MAGI1: variants seen among roughly 807,000 people sequenced by gnomAD.
The protein encoded by MAGI1 is membrane associated guanylate kinase, WW and PDZ domain containing 1.
A neutral mutation model predicts 139.9 loss-of-function variants in MAGI1; 58 were observed. The observed-to-expected ratio is 0.41, with a 90% CI of 0.34 to 0.52. The LOEUF (loss-of-function observed/expected upper bound fraction) is 0.52. Among genes scored for constraint, MAGI1 ranks in the 20% least tolerant of loss-of-function variants. The probability of loss-of-function intolerance (pLI) is 0.12; values close to 1 mark genes in which losing one functional copy is unlikely to be tolerated. For synonymous variants in MAGI1, 812 were observed against 737.9 expected (o/e 1.10, Z -1.63); for missense variants, 1,874 against 1,901.6 (o/e 0.99, Z 0.27).
intron 2 of MAGI1, among the ~76,000 whole-genome samples, chr3:65,526,277 T>A (rs559317698): frequency 2.0e-5 from 3 of 152,184 alleles, no homozygotes; most frequent in African/African-American, 4.8e-5. Flanking sequence ...CTGCTCAAAT[T>A]AAGGTAACTT....
At chr3:65,569,476 C>T (rs2080836787) in intron 2 of MAGI1, among the ~76,000 whole-genome samples, 1 of 152,098 alleles carries the variant, frequency 6.6e-6, no homozygotes, top group Non-Finnish European at 1.5e-5. Context: ...TTGAAAAAAC[C>T]TTCTCCACTT....
chr3:65,887,276 T>G (rs1202931483), intron 1 of MAGI1, among the ~76,000 whole-genome samples: 1 of 151,978 alleles, frequency 6.6e-6, no homozygotes, highest in African/African-American at 2.4e-5. Context: ...TTTTCTACTT[T>G]ATATTCCTGT....
intron 12 of MAGI1, among the ~76,000 whole-genome samples, chr3:65,417,300 C>T (rs1022069074): frequency 6.6e-6 from 1 of 152,056 alleles, no homozygotes; most frequent in African/African-American, 2.4e-5. Context: ...ATCTGCACAT[C>T]CTGCACATGT....
chr3:65,495,848 G>T (rs1479740016), intron 2 of MAGI1, among the ~76,000 whole-genome samples: 1 of 152,044 alleles, frequency 6.6e-6, no homozygotes, highest in African/African-American at 2.4e-5. Flanking sequence ...TTTGATACGG[G>T]TGTGATCTGG....
At chr3:65,584,086 GAAAAAA>G (rs542674034) in intron 2 of MAGI1, among the ~76,000 whole-genome samples, 7 of 95,860 alleles carry the variant, frequency 7.3e-5, no homozygotes, top group East Asian at 6.2e-4. Context: ...ATCTACTCTT[GAAAAAA>G]AAAAAAAAAA....
intron 1 of MAGI1, among the ~76,000 whole-genome samples, chr3:65,734,521 G>GAGAA (rs1157292166): frequency 2.7e-5 from 4 of 149,324 alleles, no homozygotes; most frequent in African/African-American, 5.0e-5. Context: ...GAAAGAAAGA[G>GAGAA]AGAAAGAGAG....
intron 14 of MAGI1, among the ~76,000 whole-genome samples, chr3:65,386,247 G>GA (rs4016249): frequency 2.7e-5 from 4 of 145,846 alleles, no homozygotes; most frequent in South Asian, 4.4e-4. Context: ...AGGCCACATG[G>GA]AAAAAAAAAA....
At chr3:65,755,073 T>A (rs1159405639) in intron 1 of MAGI1, among the ~76,000 whole-genome samples, 2 of 151,858 alleles carry the variant, frequency 1.3e-5, no homozygotes, top group Non-Finnish European at 2.9e-5. Context: ...CCTATCTCCC[T>A]AGTAGCTGGG....
chr3:65,590,886 G>T (rs1390780705), intron 2 of MAGI1, among the ~76,000 whole-genome samples: 1 of 152,132 alleles, frequency 6.6e-6, no homozygotes, highest in Non-Finnish European at 1.5e-5. Flanking sequence ...TAAGAAACAA[G>T]AGAATGAACA....
chr3:65,666,904 A>C (rs2086569266), intron 1 of MAGI1, among the ~76,000 whole-genome samples: 2 of 152,152 alleles, frequency 1.3e-5, no homozygotes, highest in African/African-American at 4.8e-5. Flanking sequence ...GGGGGAGATG[A>C]GCGCTGCGCT....
At chr3:65,886,594 T>G (rs1035201198) in intron 1 of MAGI1, among the ~76,000 whole-genome samples, 4 of 152,316 alleles carry the variant, frequency 2.6e-5, no homozygotes, top group African/African-American at 9.6e-5. Context: ...CCAAGCCGTG[T>G]CTGTGAAGAG....
chr3:65,848,291 C>G (rs1460511157), intron 1 of MAGI1, among the ~76,000 whole-genome samples: 1 of 152,168 alleles, frequency 6.6e-6, no homozygotes, highest in Non-Finnish European at 1.5e-5. Flanking sequence ...AAGTGGCGAG[C>G]TAAGTGAAGC....
chr3:65,985,303 T>C (rs1427661033), intron 1 of MAGI1, among the ~76,000 whole-genome samples: 1 of 152,220 alleles, frequency 6.6e-6, no homozygotes, highest in Non-Finnish European at 1.5e-5. Context: ...TGACACCTTG[T>C]TCATGAATTT....
intron 22 of MAGI1, chr3:65,359,080 C>A: frequency 6.2e-7 from 1 of 1,613,906 alleles, no homozygotes. Flanking sequence ...TTGATTATGG[C>A]CCATAAGGTA....
Position 65,356,978 on chromosome 3 carries a change from T to C in MAGI1, c.3789A>G (p.Ala1263=), listed in dbSNP as rs1202584234. The change falls in exon 23 of 23, where the codon GCA becomes GCG. Residue 1263 remains alanine (A), a synonymous_variant. Transcript: ENST00000402939. ...ACTCTCTGCTGCCTTTCGGATCCCT[T>C]GCGTGTGCCCGCTTTTCCCCATGTG... is the stretch of plus-strand genomic sequence containing the variant. ...SSPHGEKRAH[A]RDPKGSREYS... 3 of 1,614,176 alleles carry C rather than the reference T, an allele frequency of 1.9e-6. No individual in the cohort carries two copies. Among genetic ancestry groups the C allele is most frequent in the East Asian group, 2.2e-5 (1 of 44,844 alleles).
At chr3:65,979,467 G>A (rs1232617214) in intron 1 of MAGI1, among the ~76,000 whole-genome samples, 2 of 152,152 alleles carry the variant, frequency 1.3e-5, no homozygotes, top group Non-Finnish European at 2.9e-5. Flanking sequence ...ACGTAGCCCA[G>A]CAACCCCAAG....
intron 1 of MAGI1, among the ~76,000 whole-genome samples, chr3:65,729,991 C>T (rs1353845906): frequency 6.6e-6 from 1 of 152,128 alleles, no homozygotes; most frequent in African/African-American, 2.4e-5. Context: ...GCCTCATGTT[C>T]AATTAGAAAT....
intron 1 of MAGI1, among the ~76,000 whole-genome samples, chr3:65,768,886 T>C (rs55854929): frequency 0.23 from 34,808 of 152,146 alleles, 5,142 homozygotes; most frequent in Non-Finnish European, 0.35. Context: ...GAATAATATT[T>C]TCCCCTTTAA....
intron 5 of MAGI1, among the ~76,000 whole-genome samples, chr3:65,456,684 T>C (rs1234309607): frequency 6.6e-6 from 1 of 152,198 alleles, no homozygotes; most frequent in African/African-American, 2.4e-5. Flanking sequence ...TATTTGGGGT[T>C]AATTTTTTGG....
Sources: gnomAD v4.1 joint callset for allele counts (sites outside exome capture counted in the v4.1 genomes callset) on GRCh38, gnomAD v4.1.1 for gene constraint, MANE v1.5 for transcripts, NCBI Gene and HGNC (gene_info 2026-07-23, HGNC 2026-07-21) for gene names.